Variants in TTC7A observed in about 807,000 individuals in gnomAD.
The protein encoded by TTC7A is tetratricopeptide repeat protein 7A.
TTC7A carries 110 observed loss-of-function variants against 103.7 expected under a neutral mutation model. The ratio of observed to expected loss-of-function variants is 1.06; its 90% confidence interval spans 0.91 to 1.24. The LOEUF (loss-of-function observed/expected upper bound fraction) is 1.24, where lower values mean the gene tolerates loss of function less well. TTC7A is among the 50% of genes most tolerant of loss of function. TTC7A has a pLI of 0.00. For missense variants in TTC7A, 1,340 were observed against 1,116.3 expected, an observed-to-expected ratio of 1.20 and a Z score of -2.86; for synonymous variants, 521 against 467.9, an observed-to-expected ratio of 1.11 and a Z score of -1.47.
chr2:46,992,120 A>G (rs1299923921), intron 5 of TTC7A, among the ~76,000 whole-genome samples: 1 of 152,238 alleles, frequency 6.6e-6, no homozygotes, highest in Non-Finnish European at 1.5e-5. Flanking sequence ...TGAATTCGCC[A>G]GCCCAGCAGC....
chr2:46,990,568 A>T (rs1170528720), intron 5 of TTC7A, among the ~76,000 whole-genome samples: 1 of 152,230 alleles, frequency 6.6e-6, no homozygotes, highest in Non-Finnish European at 1.5e-5. Flanking sequence ...TTCAAGACCC[A>T]AATTAGAAGG....
At chr2:47,055,453 T>G (rs1683234080) in intron 18 of TTC7A, among the ~76,000 whole-genome samples, 1 of 152,162 alleles carries the variant, frequency 6.6e-6, no homozygotes, top group Admixed American at 6.5e-5. Flanking sequence ...TGCAGGGCAA[T>G]GCCTCTTGGG....
chr2:46,969,888 A>G (rs1306130560), intron 3 of TTC7A, among the ~76,000 whole-genome samples: 1 of 152,202 alleles, frequency 6.6e-6, no homozygotes, highest in Non-Finnish European at 1.5e-5. Context: ...CAATGCAGGA[A>G]AAAGGCACAT....
intron 15 of TTC7A, among the ~76,000 whole-genome samples, chr2:47,033,381 A>G (rs965043289): frequency 4.6e-5 from 7 of 152,248 alleles, no homozygotes; most frequent in Admixed American, 1.3e-4. Flanking sequence ...CTTTTCAGCC[A>G]TCAGTGTTAG....
chr2:47,020,311 G>A (rs1679144888), intron 11 of TTC7A, among the ~76,000 whole-genome samples: 1 of 152,180 alleles, frequency 6.6e-6, no homozygotes, highest in Non-Finnish European at 1.5e-5. Flanking sequence ...TTGGCTTCAG[G>A]CCCCAGCAGC....
intron 15 of TTC7A, among the ~76,000 whole-genome samples, chr2:47,037,722 C>G (rs1681265280): frequency 6.6e-6 from 1 of 152,130 alleles, no homozygotes; most frequent in Non-Finnish European, 1.5e-5. Context: ...TCTCAGCGCC[C>G]TAAGAGGGAT....
chr2:47,072,523 A>G (rs920639104), intron 19 of TTC7A, among the ~76,000 whole-genome samples: 1 of 152,260 alleles, frequency 6.6e-6, no homozygotes, highest in Non-Finnish European at 1.5e-5. Context: ...CCATAGCAAC[A>G]GAGGGCCTAA....
intron 3 of TTC7A, among the ~76,000 whole-genome samples, chr2:46,966,439 A>G (rs1256845379): frequency 2.0e-5 from 3 of 152,198 alleles, no homozygotes; most frequent in Non-Finnish European, 4.4e-5. Flanking sequence ...GTAAGTTCAT[A>G]CAGTCATGTT....
intron 3 of TTC7A, among the ~76,000 whole-genome samples, chr2:46,974,275 AT>A (rs1465585514): frequency 6.6e-6 from 1 of 152,278 alleles, no homozygotes; most frequent in Non-Finnish European, 1.5e-5. Context: ...GGTACTTGGC[AT>A]GAATGCCATG....
intron 15 of TTC7A, among the ~76,000 whole-genome samples, chr2:47,042,702 G>GTGTGTGTGTGTGTATATA (rs111460716): frequency 2.1e-5 from 3 of 142,636 alleles, no homozygotes; most frequent in Admixed American, 1.4e-4. Flanking sequence ...GTGTGTGTGT[G>GTGTGTGTGTGTGTATATA]TATATATATG....
intron 15 of TTC7A, among the ~76,000 whole-genome samples, chr2:47,039,872 CAG>C (rs545463323): frequency 9.1e-4 from 139 of 152,342 alleles, no homozygotes; most frequent in African/African-American, 3.2e-3. Context: ...TAACGGGGAA[CAG>C]AGACACCAAC....
At chr2:47,046,514 C>A in intron 16 of TTC7A, 83 bp downstream of exon 16, 2 of 1,051,770 alleles carry the variant, frequency 1.9e-6, no homozygotes, top group Non-Finnish European at 1.5e-6. Context: ...ACCATGCCTG[C>A]CAAGATGGGG....
intron 2 of TTC7A, among the ~76,000 whole-genome samples, chr2:46,924,276 C>G (rs754718884): frequency 2.0e-5 from 3 of 150,778 alleles, no homozygotes; most frequent in Non-Finnish European, 4.4e-5. Context: ...ACCAGTAAAA[C>G]TGTAAACCCC....
intron 9 of TTC7A, 113 bp from the exon 10 acceptor site, chr2:47,006,528 C>T: frequency 2.2e-6 from 2 of 922,068 alleles, no homozygotes; most frequent in South Asian, 1.4e-5. Context: ...AAGTGCGGGC[C>T]TCCTGCAGCC....
chr2:47,073,322 G>A (rs942622150), intron 19 of TTC7A, among the ~76,000 whole-genome samples: 10 of 152,046 alleles, frequency 6.6e-5, no homozygotes, highest in Non-Finnish European at 8.8e-5. Context: ...ACCTCACCGC[G>A]CTCTCGAGAG....
At chr2:47,058,355 G>A (rs975645957) in intron 18 of TTC7A, among the ~76,000 whole-genome samples, 3 of 152,178 alleles carry the variant, frequency 2.0e-5, no homozygotes, top group Non-Finnish European at 4.4e-5. Flanking sequence ...CAGGCTACTC[G>A]GGTTGCACAA....
chr2:46,930,189 A>T (rs1041950588), intron 2 of TTC7A, among the ~76,000 whole-genome samples: 6 of 152,220 alleles, frequency 3.9e-5, no homozygotes, highest in East Asian at 1.9e-4. Context: ...GTGGAAAGCA[A>T]CATGTAATAG....
At chr2:47,071,463 C>T (rs760077574) in intron 19 of TTC7A, among the ~76,000 whole-genome samples, 12 of 152,214 alleles carry the variant, frequency 7.9e-5, no homozygotes, top group Non-Finnish European at 1.3e-4. Context: ...ATCTTGAAGG[C>T]GCTGCTGTTT....
Position 46,941,563 on chromosome 2 carries a change from G to C in TTC7A, c.22G>C (p.Gly8Arg). 6.4e-7 allele frequency: 1 copy of C among 1,556,338 alleles called. No individual in the cohort carries two copies. The highest frequency in any genetic ancestry group is 1.2e-5 in the South Asian group (1 of 84,422). The change falls in exon 1 of 20, where the codon GGC becomes CGC. Residue 8 changes from glycine to arginine, a missense_variant. Transcript: ENST00000319190. The surrounding 1 kb of genome is among the most constrained non-coding windows in gnomAD (Gnocchi z 4.2). The stretch of plus-strand genomic sequence containing the variant: ...GAAGATGGCTGCGAAGGGCGCGCAC[G>C]GCTCCTACCTGAAGGTGGAGAGCGA... MAAKGAH[G>R]SYLKVESELE...
Sources: gnomAD v4.1 joint callset for allele counts (sites outside exome capture counted in the v4.1 genomes callset) on GRCh38, gnomAD v4.1.1 for gene constraint, Gnocchi (gnomAD v3.1) non-coding constraint, MANE v1.5 for transcripts, NCBI Gene and HGNC (gene_info 2026-07-23, HGNC 2026-07-21) for gene names.